Variants in ASXL3 observed in about 807,000 individuals in gnomAD.
ASXL3 encodes the protein ASXL transcriptional regulator 3.
In ASXL3, 34 loss-of-function variants were observed where a neutral mutation model predicts 170.6. The observed-to-expected ratio is 0.20, with a 90% CI of 0.15 to 0.27. The LOEUF (loss-of-function observed/expected upper bound fraction) is 0.27. ASXL3 is among the 10% of genes least tolerant of loss of function. The pLI is 1.00. For synonymous variants in ASXL3, 1,002 were observed against 989.1 expected (o/e 1.01, Z -0.24); for missense variants, 2,592 against 2,695.3 (o/e 0.96, Z 0.85).
intron 1 of ASXL3, among the ~76,000 whole-genome samples, chr18:33,579,533 A>G (rs555184414): frequency 6.6e-6 from 1 of 152,296 alleles, no homozygotes; most frequent in East Asian, 1.9e-4. Flanking sequence ...GAATGTCTCT[A>G]TAGAAATGCC....
At chr18:33,719,383 C>A (rs895337009) in intron 8 of ASXL3, among the ~76,000 whole-genome samples, 7 of 151,972 alleles carry the variant, frequency 4.6e-5, no homozygotes, top group African/African-American at 1.7e-4. Flanking sequence ...TCTTCAGAGG[C>A]CTTAACACCA....
chr18:33,653,212 G>T (rs2066029885), intron 4 of ASXL3, among the ~76,000 whole-genome samples: 1 of 151,978 alleles, frequency 6.6e-6, no homozygotes, highest in Admixed American at 6.6e-5. Flanking sequence ...TGTTCAGGAG[G>T]GTGGGGGTAG....
At chr18:33,590,521 G>A (rs901910168) in intron 1 of ASXL3, among the ~76,000 whole-genome samples, 8 of 152,164 alleles carry the variant, frequency 5.3e-5, no homozygotes, top group African/African-American at 1.4e-4. Flanking sequence ...TATAGACGGT[G>A]AATTAACTTG....
At chr18:33,606,662 T>C (rs1599387494) in intron 1 of ASXL3, among the ~76,000 whole-genome samples, 1 of 151,996 alleles carries the variant, frequency 6.6e-6, no homozygotes, top group Non-Finnish European at 1.5e-5. Context: ...CAAGAGGCCA[T>C]GACTTGAGCA....
Position 33,597,741 on chromosome 18 carries a change from A to G in ASXL3, c.55-9853A>G, listed in dbSNP as rs567721440. ...GCTTCTTACCTGGGAATAACCTGGT[A>G]TAAGTGAATTAAAAGTGAATTAATG... On this transcript the variant is annotated intron_variant, in intron 1 of 11. Coordinates refer to ENST00000269197, the MANE Select transcript of ASXL3 (RefSeq NM_030632.3). Among the ~76,000 whole-genome samples the G allele has an allele frequency of 2.0e-5, 3 of 151,882 alleles. No individual in the cohort carries two copies. In the South Asian group the frequency reaches 6.2e-4, roughly 32 times the overall value.
Position 33,740,328 on chromosome 18 carries a change from G to C in ASXL3, c.2924G>C (p.Cys975Ser). The C allele has an allele frequency of 1.2e-6, 2 of 1,611,100 alleles. No homozygotes were observed. Among genetic ancestry groups the C allele is most frequent in the Non-Finnish European group, 1.7e-6 (2 of 1,178,408 alleles). Residue 975 changes from cysteine (C) to serine (S), a missense_variant, in exon 11 of 12, where the codon TGT (cysteine) becomes TCT (serine). Physicochemically the swap from Cys to Ser is moderately radical, Grantham distance 112. Transcript: ENST00000269197. ...GCAGAGCAACACAGCTTTGGAATCT[G>C]TAAGGAAAAGAGAGCTAGGATAGAA... ...KTAEQHSFGI[C>S]KEKRARIEDD...
At chr18:33,669,332 C>G (rs934325444) in intron 5 of ASXL3, among the ~76,000 whole-genome samples, 1 of 152,004 alleles carries the variant, frequency 6.6e-6, no homozygotes, top group African/African-American at 2.4e-5. Context: ...TTTTTTGCCC[C>G]TCTCCCATAT....
intron 8 of ASXL3, among the ~76,000 whole-genome samples, chr18:33,721,533 A>G (rs933711224): frequency 1.2e-4 from 18 of 152,098 alleles, no homozygotes; most frequent in African/African-American, 4.1e-4. Flanking sequence ...AGCAGTAAGT[A>G]GTAGAAAAAG....
intron 4 of ASXL3, among the ~76,000 whole-genome samples, chr18:33,649,259 G>A (rs1336512593): frequency 6.6e-6 from 1 of 152,022 alleles, no homozygotes; most frequent in East Asian, 1.9e-4. Flanking sequence ...TGGAGAGATT[G>A]GTCTTAGCAA....
At chr18:33,633,793 C>A in intron 2 of ASXL3, among the ~76,000 whole-genome samples, 1 of 138,144 alleles carries the variant, frequency 7.2e-6, no homozygotes, top group East Asian at 2.1e-4. Context: ...TGCAGTGAGC[C>A]AAGATCAGGC....
chr18:33,655,339 G>A (rs1254438256), intron 4 of ASXL3, among the ~76,000 whole-genome samples: 1 of 151,892 alleles, frequency 6.6e-6, no homozygotes, highest in South Asian at 2.1e-4. Flanking sequence ...GTTACATTAG[G>A]TATGTTTCAT....
intron 2 of ASXL3, among the ~76,000 whole-genome samples, chr18:33,640,578 T>G (rs1423637393): frequency 1.3e-5 from 2 of 152,088 alleles, no homozygotes; most frequent in African/African-American, 4.8e-5. Context: ...TTTCGTGAAG[T>G]ATATACAGAG....
chr18:33,672,900 G>A (rs1202124436), intron 7 of ASXL3, among the ~76,000 whole-genome samples: 1 of 151,878 alleles, frequency 6.6e-6, no homozygotes, highest in East Asian at 1.9e-4. Flanking sequence ...TTAAATAAGA[G>A]ACCTTTAGGA....
rs148408798 is a variant in ASXL3, at chr18:33,637,104, C to T, written c.138-7790C>T. 6.2e-3 allele frequency among the ~76,000 whole-genome samples: 944 copies of T among 152,182 alleles called. 7 individuals are homozygous for T. The highest frequency in any genetic ancestry group is 0.021 in the African/African-American group (888 of 41,534). On this transcript the variant is annotated intron_variant, in intron 2 of 11. Transcript: ENST00000269197. ...AATAATCATCACACTGTATTTTTCA[C>T]AGAAAAAGAGAGCTTTTGCACATTT...
At chr18:33,638,104 A>G (rs1306337761) in intron 2 of ASXL3, among the ~76,000 whole-genome samples, 1 of 150,964 alleles carries the variant, frequency 6.6e-6, no homozygotes, top group Non-Finnish European at 1.5e-5. Context: ...ATTCTCTACC[A>G]CATATATGTA....
chr18:33,618,149 A>G (rs1480827313), intron 2 of ASXL3, among the ~76,000 whole-genome samples: 2 of 152,210 alleles, frequency 1.3e-5, no homozygotes, highest in Non-Finnish European at 1.5e-5. Context: ...TCTAAAAGCA[A>G]TAGCACATAA....
In ASXL3 at chr18:33,739,744, C is replaced by T. The variant is rs750500184; in HGVS notation, c.2340C>T (p.Ser780=). The part of the protein sequence containing the change: ...KSPSVSEEPL[S]PQKDESSATA... The stretch of plus-strand genomic sequence containing the variant: ...CTTCTGTATCTGAAGAGCCACTCTC[C>T]CCGCAGAAAGATGAGTCTTCCGCCA... Residue 780 remains serine (S), a synonymous_variant, in exon 11 of 12, where the codon TCC becomes TCT. Transcript: ENST00000269197. 1.5e-5 allele frequency: 24 copies of T among 1,613,656 alleles called. No homozygotes were observed. Among genetic ancestry groups the T allele is most frequent in the Non-Finnish European group, 3.4e-6 (4 of 1,179,828 alleles).
chr18:33,646,885 G>A (rs111265748), intron 4 of ASXL3, among the ~76,000 whole-genome samples: 2 of 147,606 alleles, frequency 1.4e-5, no homozygotes, highest in African/African-American at 2.5e-5. Flanking sequence ...GGGAGCGGGG[G>A]GGGGGGGCAT....
At chr18:33,604,622 G>A (rs62090656) in intron 1 of ASXL3, among the ~76,000 whole-genome samples, 12,958 of 151,934 alleles carry the variant, frequency 0.085, 634 homozygotes, top group African/African-American at 0.12. Flanking sequence ...CAAGGACAGC[G>A]TTATGCAGTT....
Sources: gnomAD v4.1 joint callset for allele counts (sites outside exome capture counted in the v4.1 genomes callset) on GRCh38, gnomAD v4.1.1 for gene constraint, MANE v1.5 for transcripts, NCBI Gene and HGNC (gene_info 2026-07-23, HGNC 2026-07-21) for gene names.